Variants in CDH8 observed in about 807,000 individuals in gnomAD.
CDH8 encodes cadherin-8.
In CDH8, 17 loss-of-function variants were observed where a neutral mutation model predicts 68.1. The ratio of observed to expected loss-of-function variants is 0.25; its 90% CI spans 0.17 to 0.37. The LOEUF is 0.37. Among genes scored for constraint, CDH8 ranks in the 10% least tolerant of loss-of-function variants. The pLI is 1.00. For synonymous variants in CDH8, 372 were observed against 365.1 expected, an observed-to-expected ratio of 1.02 and a Z score of -0.21; for missense variants, 763 against 999.3, an observed-to-expected ratio of 0.76 and a Z score of 3.19.
At chr16:61,698,038 A>G (rs1964360325) in intron 10 of CDH8, among the ~76,000 whole-genome samples, 1 of 152,174 alleles carries the variant, frequency 6.6e-6, no homozygotes. Flanking sequence ...GACACTTCTA[A>G]CATATAAGTT....
intron 4 of CDH8, among the ~76,000 whole-genome samples, chr16:61,842,205 C>A (rs375997934): frequency 6.6e-6 from 1 of 151,988 alleles, no homozygotes; most frequent in Non-Finnish European, 1.5e-5. Context: ...CCGCACCCAG[C>A]CAGAAATTTG....
intron 6 of CDH8, among the ~76,000 whole-genome samples, chr16:61,818,902 A>C (rs1427200976): frequency 6.7e-6 from 1 of 150,334 alleles, no homozygotes; most frequent in Non-Finnish European, 1.5e-5. Flanking sequence ...GTTGGTTTTC[A>C]CATTTAAATT....
At chr16:61,656,197 A>G (rs749404452) in intron 10 of CDH8, among the ~76,000 whole-genome samples, 5 of 152,166 alleles carry the variant, frequency 3.3e-5, no homozygotes, top group Non-Finnish European at 5.9e-5. Flanking sequence ...AGCATGGACC[A>G]GGACAACCAT....
At chr16:61,732,701 C>G (rs944796400) in intron 8 of CDH8, among the ~76,000 whole-genome samples, 1 of 151,670 alleles carries the variant, frequency 6.6e-6, no homozygotes, top group African/African-American at 2.4e-5. Flanking sequence ...GAAAGGAAAA[C>G]GGTAAAGGTA....
chr16:61,954,002 T>C (rs1193062620), intron 2 of CDH8, among the ~76,000 whole-genome samples: 1 of 150,384 alleles, frequency 6.6e-6, no homozygotes, highest in Admixed American at 6.6e-5. Flanking sequence ...GAACTAAACA[T>C]TGAATAACTG....
chr16:61,921,525 G>A (rs565324666), intron 2 of CDH8, among the ~76,000 whole-genome samples: 4 of 152,088 alleles, frequency 2.6e-5, no homozygotes, highest in Non-Finnish European at 5.9e-5. Context: ...ATCTGTCCCC[G>A]AACAGAAACT....
At chr16:61,836,957 ATCT>A (rs1375769153) in intron 4 of CDH8, among the ~76,000 whole-genome samples, 1 of 151,954 alleles carries the variant, frequency 6.6e-6, no homozygotes, top group Non-Finnish European at 1.5e-5. Context: ...ACCCTGGATA[ATCT>A]TCTCACCACT....
rs577365433 is a variant in CDH8, at chr16:62,029,410, G to T, written c.-200+6670C>A. Reference sequence around the variant, plus strand: ...TAAAACAAAAATGGCATGAACCAGGGTGGGTATAAATAAAATAGCATTTTA... The same window carrying T: ...TAAAACAAAAATGGCATGAACCAGGTTGGGTATAAATAAAATAGCATTTTA... On this transcript the variant is annotated intron_variant, in intron 1 of 11. Transcript: ENST00000577390. Among the ~76,000 whole-genome samples the T allele has an allele frequency of 6.6e-5, 10 of 152,258 alleles. No individual in the cohort carries two copies. The South Asian group carries it at 1.5e-3, about 22-fold the overall frequency.
intron 8 of CDH8, among the ~76,000 whole-genome samples, chr16:61,751,862 A>G (rs1295924168): frequency 2.0e-5 from 3 of 152,114 alleles, no homozygotes; most frequent in Admixed American, 2.0e-4. Context: ...ATCCAATGAT[A>G]TTAGGTATTA....
chr16:62,017,115 T>C (rs912238175), intron 2 of CDH8, among the ~76,000 whole-genome samples: 2 of 152,194 alleles, frequency 1.3e-5, no homozygotes, highest in Admixed American at 1.3e-4. Flanking sequence ...TATTCATTTA[T>C]TTTTTCATGT....
At chr16:61,981,698 G>A (rs1180925561) in intron 2 of CDH8, among the ~76,000 whole-genome samples, 1 of 152,154 alleles carries the variant, frequency 6.6e-6, no homozygotes, top group Middle Eastern at 3.4e-3. Flanking sequence ...GCGCGCGTGC[G>A]CTTGGGGCAG....
chr16:61,743,633 C>T (rs1959937394), intron 8 of CDH8, among the ~76,000 whole-genome samples: 1 of 152,084 alleles, frequency 6.6e-6, no homozygotes, highest in Admixed American at 6.6e-5. Context: ...CACTATCATA[C>T]ATTTATTCTC....
chr16:61,703,816 G>A (rs1025283184), intron 10 of CDH8, among the ~76,000 whole-genome samples: 1 of 151,994 alleles, frequency 6.6e-6, no homozygotes, highest in African/African-American at 2.4e-5. Context: ...CTCCAGGCCT[G>A]GGCCACAGAC....
chr16:61,750,852 A>G (rs1960140835), intron 8 of CDH8, among the ~76,000 whole-genome samples: 2 of 152,090 alleles, frequency 1.3e-5, no homozygotes, highest in South Asian at 4.1e-4. Flanking sequence ...GCTATATGAG[A>G]ATAAAAAGAT....
chr16:61,683,686 T>C (rs1254514872), intron 10 of CDH8, among the ~76,000 whole-genome samples: 1 of 152,042 alleles, frequency 6.6e-6, no homozygotes, highest in Non-Finnish European at 1.5e-5. Flanking sequence ...TATTCACTAA[T>C]ATCTTTGGAT....
chr16:61,866,878 G>GTATA (rs763081210), intron 3 of CDH8, among the ~76,000 whole-genome samples: 26 of 152,108 alleles, frequency 1.7e-4, no homozygotes, highest in Non-Finnish European at 2.5e-4. Flanking sequence ...ATTTAACAAA[G>GTATA]TATAAATTTA....
At chr16:61,928,927 G>C (rs949568614) in intron 2 of CDH8, among the ~76,000 whole-genome samples, 10 of 150,252 alleles carry the variant, frequency 6.7e-5, no homozygotes, top group Non-Finnish European at 1.3e-4. Flanking sequence ...GTTTTGATTT[G>C]AGATGGAGTC....
intron 2 of CDH8, among the ~76,000 whole-genome samples, chr16:61,992,556 C>T (rs1461839658): frequency 1.3e-5 from 2 of 151,728 alleles, no homozygotes; most frequent in African/African-American, 4.8e-5. Flanking sequence ...CTAACCTGCA[C>T]ATTGTGCACA....
chr16:61,688,561 C>T (rs545267516), intron 10 of CDH8, among the ~76,000 whole-genome samples: 1 of 151,994 alleles, frequency 6.6e-6, no homozygotes, highest in South Asian at 2.1e-4. Flanking sequence ...CCAAATGCAG[C>T]AGTCTGAGCT....
Sources: allele counts gnomAD v4.1 joint callset (sites outside exome capture counted in the v4.1 genomes callset), GRCh38; gene constraint gnomAD v4.1.1; transcripts MANE v1.5; gene names NCBI Gene and HGNC (gene_info 2026-07-23, HGNC 2026-07-21).